Variants in CYFIP1 observed in about 807,000 individuals in gnomAD.
CYFIP1 encodes cytoplasmic FMR1-interacting protein 1.
In CYFIP1, 58 loss-of-function variants were observed where a neutral mutation model predicts 163.5. The ratio of observed to expected loss-of-function variants is 0.35; its 90% CI spans 0.29 to 0.44. The LOEUF is 0.44. CYFIP1 is among the 20% of genes least tolerant of loss of function. The pLI is 1.00. For missense variants in CYFIP1, 1,338 were observed against 1,653.8 expected (o/e 0.81, Z 3.31); for synonymous variants, 663 against 660.7 (o/e 1.00, Z -0.05).
rs2061099649 is a variant in CYFIP1, at chr15:22,919,253, T to C, written c.1360-395A>G. Reference sequence around the variant, plus strand: ...CATATTGTTCACAACAAAGGCGCAGTGAACTACCATTCACAGAAAAAGCCT... The same window carrying C: ...CATATTGTTCACAACAAAGGCGCAGCGAACTACCATTCACAGAAAAAGCCT... On this transcript the variant is annotated intron_variant, in intron 13 of 30. Coordinates refer to ENST00000617928, the MANE Select transcript of CYFIP1 (RefSeq NM_014608.6). 2.0e-5 allele frequency among the ~76,000 whole-genome samples: 3 copies of C among 152,180 alleles called. 1 individual carries two copies. Among genetic ancestry groups the C allele is most frequent in the Admixed American group, 2.0e-4 (3 of 15,274 alleles).
At position 22,969,836 on chromosome 15, in the gene CYFIP1, C is replaced by A. The variant is rs546922342; in HGVS notation, c.-7+10451G>T. Among the ~76,000 whole-genome samples, 327 of 152,032 alleles carry A rather than the reference C, an allele frequency of 2.2e-3. 6 individuals are homozygous for A. The highest frequency in any genetic ancestry group is 7.5e-3 in the African/African-American group (313 of 41,464). ...AAAGGACATACCATGCAAAGAGTAACCAAAAGAGAGGGAAGTGGCAATACT... is the reference window on the plus strand; with the variant it reads ...AAAGGACATACCATGCAAAGAGTAAACAAAAGAGAGGGAAGTGGCAATACT... On this transcript the variant is annotated intron_variant, in intron 1 of 30. Transcript: ENST00000617928.
intron 3 of CYFIP1, among the ~76,000 whole-genome samples, chr15:22,945,507 G>A (rs551717307): frequency 1.1e-4 from 17 of 152,110 alleles, no homozygotes; most frequent in African/African-American, 4.1e-4. Context: ...CTTTAACATC[G>A]TTTCCTTTGG....
intron 13 of CYFIP1, among the ~76,000 whole-genome samples, chr15:22,919,433 G>T (rs1011030692): frequency 1.3e-5 from 2 of 152,152 alleles, no homozygotes; most frequent in African/African-American, 4.8e-5. Flanking sequence ...ACAATTGAAG[G>T]TCACAAACCA....
At chr15:22,980,106 G>C (rs1185154009) in intron 1 of CYFIP1, among the ~76,000 whole-genome samples, 181 bp downstream of exon 1, 3 of 150,084 alleles carry the variant, frequency 2.0e-5, no homozygotes, top group African/African-American at 7.3e-5. Flanking sequence ...CCGGGACCTG[G>C]GGGACGCGGG....
chr15:22,911,534 C>G (rs2060788229), intron 18 of CYFIP1, among the ~76,000 whole-genome samples: 1 of 152,168 alleles, frequency 6.6e-6, no homozygotes, highest in Non-Finnish European at 1.5e-5. Flanking sequence ...AAGACCCTTA[C>G]TTGCAGATGG....
chr15:22,934,042 CTT>C (rs1372731804), intron 9 of CYFIP1, 149 bp from the exon 10 acceptor site: 4 of 567,284 alleles, frequency 7.1e-6, no homozygotes, highest in Non-Finnish European at 6.3e-6. Flanking sequence ...CTATAAGTAA[CTT>C]CTACATTCGC....
rs560671429 is a variant in CYFIP1, at chr15:22,951,023, C to T, written c.-6-3732G>A. ...AAAGTTCGTCACTGGTATGCAAGTA[C>T]GGAAAAACATAGACTACGCAGGGTT... On this transcript the variant is annotated intron_variant, in intron 1 of 30. Transcript: ENST00000617928. Among the ~76,000 whole-genome samples the T allele has an allele frequency of 4.7e-4, 71 of 152,306 alleles. 1 individual carries two copies. The highest frequency in any genetic ancestry group is 1.7e-3 in the African/African-American group (70 of 41,572).
chr15:22,915,966 G>A (rs1054668504), intron 16 of CYFIP1, among the ~76,000 whole-genome samples: 3 of 152,180 alleles, frequency 2.0e-5, no homozygotes, highest in African/African-American at 7.2e-5. Flanking sequence ...AGCCAAGACA[G>A]CAGGGATCCT....
intron 1 of CYFIP1, among the ~76,000 whole-genome samples, chr15:22,953,587 T>A (rs1000118346): frequency 1.3e-5 from 2 of 152,196 alleles, no homozygotes; most frequent in Non-Finnish European, 2.9e-5. Context: ...AGGTCTGGCC[T>A]GGTCACTGCA....
intron 1 of CYFIP1, 110 bp downstream of exon 1, chr15:22,980,177 A>AGCG (rs1555428501): frequency 9.2e-6 from 1 of 108,558 alleles, no homozygotes; most frequent in African/African-American, 3.8e-5. Context: ...GTTGGGGGGG[A>AGCG]GGGGGGGGTC....
At chr15:22,896,308 C>A (rs2060234138) in intron 22 of CYFIP1, among the ~76,000 whole-genome samples, 1 of 152,124 alleles carries the variant, frequency 6.6e-6, no homozygotes, top group Non-Finnish European at 1.5e-5. Context: ...CCAACAGTGG[C>A]TCTTTTCCTT....
At chr15:22,915,132 T>G (rs1453864112) in intron 16 of CYFIP1, 1 of 285,452 alleles carries the variant, frequency 3.5e-6, no homozygotes, top group African/African-American at 2.2e-5. Context: ...GAAAGTGTCT[T>G]TTTTTTTTTT....
intron 20 of CYFIP1, among the ~76,000 whole-genome samples, chr15:22,910,085 T>G (rs983959527): frequency 6.6e-6 from 1 of 152,146 alleles, no homozygotes; most frequent in Non-Finnish European, 1.5e-5. Flanking sequence ...TGCCTAACAA[T>G]TTATAAGGAC....
chr15:22,886,522 CTT>C lies in CYFIP1; in HGVS notation c.2677-3513_2677-3512del, dbSNP rs540816363. Reference sequence around the variant, plus strand: ...CAATTCAATGTATTTTTAAATTTCTCTTGAGATTTCCTCTTCAACCCAAGGAT... The same window carrying C: ...CAATTCAATGTATTTTTAAATTTCTCGAGATTTCCTCTTCAACCCAAGGAT... On this transcript the variant is annotated intron_variant, in intron 23 of 30. Coordinates refer to ENST00000617928, the MANE Select transcript of CYFIP1 (RefSeq NM_014608.6). Among the ~76,000 whole-genome samples the C allele has an allele frequency of 9.2e-4, 140 of 152,238 alleles. 1 individual carries two copies. The highest frequency in any genetic ancestry group is 2.9e-3 in the African/African-American group (119 of 41,528).
rs563375376 is a variant in CYFIP1, at chr15:22,959,049, G to C, written c.-6-11758C>G. Among the ~76,000 whole-genome samples, 9 of 152,256 alleles carry C rather than the reference G, an allele frequency of 5.9e-5. No individual in the cohort carries two copies. In the South Asian group the frequency reaches 1.2e-3, roughly 21 times the overall value. On this transcript the variant is annotated intron_variant, in intron 1 of 30. Coordinates refer to ENST00000617928, the MANE Select transcript of CYFIP1 (RefSeq NM_014608.6). Reference sequence around the variant, plus strand: ...CCCACTGCCCCAGGTGGGGCCCTCAGGACAATGAGAACATGCACCTCAGCC... The same window carrying C: ...CCCACTGCCCCAGGTGGGGCCCTCACGACAATGAGAACATGCACCTCAGCC...
At chr15:22,888,151 T>G (rs1404152685) in intron 23 of CYFIP1, among the ~76,000 whole-genome samples, 1 of 152,214 alleles carries the variant, frequency 6.6e-6, no homozygotes, top group Non-Finnish European at 1.5e-5. Flanking sequence ...AAGTTTATTT[T>G]ATTCCTGCAA....
At position 22,917,483 on chromosome 15, in the gene CYFIP1, T is replaced by C. The variant is rs2061026986; in HGVS notation, c.1674+305A>G. ...AATTATACAGACATTCAAACACCCATCAAGAAACACAGAATGAATACAGAC... is the reference window on the plus strand; with the variant it reads ...AATTATACAGACATTCAAACACCCACCAAGAAACACAGAATGAATACAGAC... On this transcript the variant is annotated intron_variant, in intron 15 of 30. Coordinates refer to ENST00000617928, the MANE Select transcript of CYFIP1 (RefSeq NM_014608.6). This position sits in a 1 kb window ranked among gnomAD's most constrained non-coding sequence, Gnocchi z 4.2. 1.9e-6 allele frequency: 1 copy of C among 529,054 alleles called. No individual in the cohort carries two copies. Among genetic ancestry groups the C allele is most frequent in the African/African-American group, 2.0e-5 (1 of 50,688 alleles). The allele number at this position is 529,054 out of a possible 1,614,324, so 32.8% of individuals were successfully genotyped here.
chr15:22,925,973 C>A lies in CYFIP1; in HGVS notation c.1359+9G>T, dbSNP rs758763289. The A allele has an allele frequency of 1.2e-6, 2 of 1,612,196 alleles. No individual in the cohort carries two copies. The highest frequency in any genetic ancestry group is 1.1e-5 in the South Asian group (1 of 91,012). On this transcript the variant is annotated intron_variant, in intron 13 of 30. Transcript: ENST00000617928. ...ACATGAGGAAGAGCGAGCGGCCGAG[C>A]ATCCTCACCTCCACTAGGGCAAACT...
At chr15:22,949,282 A>G (rs1397503151) in intron 1 of CYFIP1, among the ~76,000 whole-genome samples, 4 of 81,498 alleles carry the variant, frequency 4.9e-5, no homozygotes, top group Non-Finnish European at 5.2e-5. Flanking sequence ...TAAAGCGGGG[A>G]CCAGGCGGGC....
Sources: gnomAD v4.1 joint callset for allele counts (sites outside exome capture counted in the v4.1 genomes callset) on GRCh38, gnomAD v4.1.1 for gene constraint, Gnocchi (gnomAD v3.1) non-coding constraint, MANE v1.5 for transcripts, NCBI Gene and HGNC (gene_info 2026-07-23, HGNC 2026-07-21) for gene names.